The following NRG3 variants were observed in gnomAD, a reference collection of about 807,000 sequenced individuals.
NRG3 encodes the protein pro-neuregulin-3, membrane-bound isoform.
NRG3 carries 31 observed loss-of-function variants against 66.9 expected under a neutral mutation model. The ratio of observed to expected loss-of-function variants is 0.46; its 90% CI spans 0.35 to 0.63. The LOEUF (loss-of-function observed/expected upper bound fraction) is 0.63. NRG3 is among the 20% of genes least tolerant of loss of function. NRG3 has a pLI of 0.00. For synonymous variants in NRG3, 393 were observed against 359.4 expected, an observed-to-expected ratio of 1.09 and a Z score of -1.06; for missense variants, 910 against 878.9, an observed-to-expected ratio of 1.04 and a Z score of -0.45.
intron 4 of NRG3, among the ~76,000 whole-genome samples, chr10:82,888,790 T>C (rs2136107673): frequency 6.6e-6 from 1 of 152,062 alleles, no homozygotes; most frequent in East Asian, 2.0e-4. Flanking sequence ...GGCTGGACAG[T>C]GTCAGGACAA....
chr10:82,810,737 TAAA>T (rs750726119), intron 3 of NRG3, among the ~76,000 whole-genome samples: 7 of 69,994 alleles, frequency 1.0e-4, no homozygotes, highest in East Asian at 5.5e-4. Flanking sequence ...CACTCCAGCC[TAAA>T]AAAAAAAAAA....
intron 2 of NRG3, among the ~76,000 whole-genome samples, chr10:82,496,783 A>G (rs1275981198): frequency 1.3e-5 from 2 of 152,170 alleles, no homozygotes; most frequent in Non-Finnish European, 1.5e-5. Flanking sequence ...AATATTTTCT[A>G]TCTAATCAGT....
chr10:82,780,036 G>A (rs890872825), intron 3 of NRG3, among the ~76,000 whole-genome samples: 12 of 152,078 alleles, frequency 7.9e-5, no homozygotes, highest in African/African-American at 2.9e-4. Flanking sequence ...CCATGTTCCT[G>A]CAAAGGACAT....
At chr10:82,287,119 A>G (rs1045924524) in intron 1 of NRG3, among the ~76,000 whole-genome samples, 3 of 152,140 alleles carry the variant, frequency 2.0e-5, no homozygotes, top group Non-Finnish European at 4.4e-5. Flanking sequence ...GTCCCCATCA[A>G]ATCTCATGTT....
intron 4 of NRG3, among the ~76,000 whole-genome samples, chr10:82,869,983 TG>T (rs1841170696): frequency 6.6e-6 from 1 of 150,960 alleles, no homozygotes; most frequent in Admixed American, 6.6e-5. Context: ...CCTTTTGTAC[TG>T]GCTTATTTCA....
intron 1 of NRG3, among the ~76,000 whole-genome samples, chr10:82,041,954 C>T (rs547969590): frequency 2.0e-5 from 3 of 152,082 alleles, no homozygotes; most frequent in East Asian, 1.9e-4. Flanking sequence ...CAAAACTACC[C>T]CAGATGGGCG....
chr10:82,822,600 G>C (rs2062000819), intron 3 of NRG3, among the ~76,000 whole-genome samples: 1 of 152,126 alleles, frequency 6.6e-6, no homozygotes, highest in African/African-American at 2.4e-5. Flanking sequence ...CCAGATTATT[G>C]AGACCTAGAA....
intron 1 of NRG3, among the ~76,000 whole-genome samples, chr10:82,231,688 G>A (rs2076473241): frequency 6.6e-6 from 1 of 152,150 alleles, no homozygotes; most frequent in Admixed American, 6.5e-5. Flanking sequence ...CAGGGCAAAA[G>A]AGAAGAAAAC....
chr10:82,535,748 A>C (rs1461163760), intron 2 of NRG3, among the ~76,000 whole-genome samples: 2 of 152,168 alleles, frequency 1.3e-5, no homozygotes, highest in Admixed American at 6.6e-5. Context: ...ACATAATTTG[A>C]GTGGAATTAT....
intron 2 of NRG3, among the ~76,000 whole-genome samples, chr10:82,674,470 C>G (rs1466992214): frequency 2.6e-5 from 4 of 151,970 alleles, no homozygotes; most frequent in East Asian, 1.9e-4. Context: ...TTAGCTTTCC[C>G]GAGAGTCATA....
chr10:82,020,452 A>T (rs2062009172), intron 1 of NRG3, among the ~76,000 whole-genome samples: 1 of 152,084 alleles, frequency 6.6e-6, no homozygotes. Context: ...TAGGGATAGA[A>T]TAGGGGAGTT....
chr10:82,121,540 C>T (rs2068089880), intron 1 of NRG3, among the ~76,000 whole-genome samples: 1 of 152,174 alleles, frequency 6.6e-6, no homozygotes, highest in Non-Finnish European at 1.5e-5. Flanking sequence ...ATTGCGTGTC[C>T]TCTGGTGCTA....
intron 1 of NRG3, among the ~76,000 whole-genome samples, chr10:82,042,645 C>T (rs2063097672): frequency 6.6e-6 from 1 of 151,968 alleles, no homozygotes; most frequent in East Asian, 1.9e-4. Flanking sequence ...GACTTTTTCT[C>T]ACAGGATGGT....
chr10:82,284,356 A>G (rs1313415128), intron 1 of NRG3, among the ~76,000 whole-genome samples: 1 of 152,232 alleles, frequency 6.6e-6, no homozygotes, highest in East Asian at 1.9e-4. Flanking sequence ...CATAGCAGTT[A>G]TGGGTCTATA....
intron 2 of NRG3, among the ~76,000 whole-genome samples, chr10:82,669,018 C>G (rs2053030015): frequency 6.6e-6 from 1 of 152,140 alleles, no homozygotes; most frequent in Non-Finnish European, 1.5e-5. Context: ...AGAGGCCCTT[C>G]TCCTCGTTCT....
intron 2 of NRG3, among the ~76,000 whole-genome samples, chr10:82,541,022 G>A (rs1309420137): frequency 6.6e-6 from 1 of 152,080 alleles, no homozygotes. Flanking sequence ...CACATGTGCA[G>A]AAGAAAGGAC....
chr10:82,848,363 G>A (rs1254103550), intron 3 of NRG3, among the ~76,000 whole-genome samples: 1 of 152,192 alleles, frequency 6.6e-6, no homozygotes, highest in Non-Finnish European at 1.5e-5. Context: ...TGCCCTGCTG[G>A]ATTTCAGACT....
chr10:82,545,723 G>A (rs1565052374), intron 2 of NRG3, among the ~76,000 whole-genome samples: 1 of 149,052 alleles, frequency 6.7e-6, no homozygotes, highest in Non-Finnish European at 1.5e-5. Context: ...TCTGTGTAAT[G>A]CTATCTTTCT....
At chr10:82,518,511 C>T (rs184277362) in intron 2 of NRG3, among the ~76,000 whole-genome samples, 188 of 152,252 alleles carry the variant, frequency 1.2e-3, no homozygotes, top group African/African-American at 4.4e-3. Flanking sequence ...CCCCTACACA[C>T]ATATTAGTCA....
Sources: gnomAD v4.1 joint callset for allele counts (sites outside exome capture counted in the v4.1 genomes callset) on GRCh38, gnomAD v4.1.1 for gene constraint, MANE v1.5 for transcripts, NCBI Gene and HGNC (gene_info 2026-07-23, HGNC 2026-07-21) for gene names.